SFMBT1: variants seen among roughly 807,000 people sequenced by gnomAD.
SFMBT1 encodes the protein scm-like with four MBT domains protein 1.
SFMBT1 carries 32 observed loss-of-function variants against 108.7 expected under a neutral mutation model. That is an observed-to-expected ratio of 0.29 (90% confidence interval 0.22 to 0.40). The LOEUF is 0.40. Among genes scored for constraint, SFMBT1 ranks in the 10% least tolerant of loss-of-function variants. The pLI is 1.00. For synonymous variants in SFMBT1, 348 were observed against 369.5 expected (o/e 0.94, Z 0.67); for missense variants, 816 against 1,059.6 (o/e 0.77, Z 3.19).
intron 4 of SFMBT1, among the ~76,000 whole-genome samples, chr3:52,938,534 T>C (rs918512495): frequency 6.6e-6 from 1 of 152,176 alleles, no homozygotes; most frequent in Non-Finnish European, 1.5e-5. Flanking sequence ...AATACTGAAG[T>C]TAGCTATAAG....
intron 1 of SFMBT1, among the ~76,000 whole-genome samples, chr3:53,014,941 C>A (rs1366259040): frequency 6.6e-6 from 1 of 152,014 alleles, no homozygotes; most frequent in African/African-American, 2.4e-5. Context: ...GTAATAGGAC[C>A]GGGAGCAGTG....
chr3:52,956,230 G>A (rs1447349405), intron 2 of SFMBT1, among the ~76,000 whole-genome samples: 5 of 152,316 alleles, frequency 3.3e-5, no homozygotes, highest in East Asian at 1.9e-4. Flanking sequence ...GGGAGACCGC[G>A]GCAGGCAGAT....
intron 2 of SFMBT1, among the ~76,000 whole-genome samples, chr3:52,959,251 A>C (rs1329633771): frequency 2.0e-5 from 3 of 152,216 alleles, no homozygotes. Context: ...ACAAACCTGC[A>C]CATCCTGCAC....
chr3:53,043,560 T>C (rs1310241976), intron 1 of SFMBT1, among the ~76,000 whole-genome samples: 8 of 152,218 alleles, frequency 5.3e-5, no homozygotes, highest in Non-Finnish European at 1.2e-4. Flanking sequence ...TCTAACTTGT[T>C]AGGAAAATTC....
intron 1 of SFMBT1, among the ~76,000 whole-genome samples, chr3:52,971,050 G>A (rs890007836): frequency 2.0e-5 from 3 of 151,882 alleles, no homozygotes; most frequent in Non-Finnish European, 4.4e-5. Flanking sequence ...CAGGAGAATC[G>A]CTTGAGCCCA....
chr3:52,930,192 A>G (rs938959326), intron 8 of SFMBT1, 137 bp downstream of exon 8: 1 of 628,290 alleles, frequency 1.6e-6, no homozygotes, highest in East Asian at 2.7e-5. Flanking sequence ...CAAAACGTGC[A>G]CAGAAGTAAT....
chr3:52,934,811 A>G lies in SFMBT1; in HGVS notation c.453+2T>C. 2 of 1,611,924 alleles carry G rather than the reference A, an allele frequency of 1.2e-6. No individual in the cohort carries two copies. The highest frequency in any genetic ancestry group is 1.7e-6 in the Non-Finnish European group (2 of 1,178,840). ...GCTGATGTGGCATGTAGTAATACTCACGCCCTCTAGCAGCGGAACAGGAGG... is the reference window on the plus strand; with the variant it reads ...GCTGATGTGGCATGTAGTAATACTCGCGCCCTCTAGCAGCGGAACAGGAGG... On this transcript the variant is annotated splice_donor_variant, in intron 5 of 20. Transcript: ENST00000394752. LOFTEE classifies it high-confidence loss of function.
At chr3:53,036,547 T>C (rs1699875828) in intron 1 of SFMBT1, among the ~76,000 whole-genome samples, 2 of 152,186 alleles carry the variant, frequency 1.3e-5, no homozygotes, top group Non-Finnish European at 2.9e-5. Flanking sequence ...CTGGCGTCTT[T>C]GGGGTAGAAG....
intron 3 of SFMBT1, 30 bp from the exon 4 acceptor site, chr3:52,943,623 A>G (rs757399860): frequency 1.2e-6 from 2 of 1,614,156 alleles, no homozygotes; most frequent in Non-Finnish European, 1.7e-6. Context: ...TAAGCACCAG[A>G]CAAGTATCTT....
chr3:52,965,467 T>C (rs746782672), intron 2 of SFMBT1, among the ~76,000 whole-genome samples: 4 of 150,552 alleles, frequency 2.7e-5, no homozygotes, highest in Non-Finnish European at 5.9e-5. Flanking sequence ...CAGAGAAACC[T>C]CTCTTTTAAA....
At chr3:53,013,372 C>A (rs1699018537) in intron 1 of SFMBT1, among the ~76,000 whole-genome samples, 1 of 151,566 alleles carries the variant, frequency 6.6e-6, no homozygotes, top group Non-Finnish European at 1.5e-5. Context: ...AATATTACGT[C>A]TTGAGTATAA....
intron 4 of SFMBT1, among the ~76,000 whole-genome samples, chr3:52,941,676 C>T (rs141308607): frequency 1.2e-3 from 174 of 147,290 alleles, no homozygotes; most frequent in Middle Eastern, 0.011. Context: ...AAAGGAGGAA[C>T]GCTTAAGACC....
intron 11 of SFMBT1, 55 bp from the exon 12 acceptor site, chr3:52,920,705 TTAAA>T (rs1702499353): frequency 1.5e-5 from 16 of 1,047,460 alleles, no homozygotes; most frequent in Middle Eastern, 2.1e-4. Flanking sequence ...TTTTAGACCA[TTAAA>T]TAACCTTCTT....
At chr3:52,982,436 T>C (rs1704744884) in intron 1 of SFMBT1, among the ~76,000 whole-genome samples, 2 of 152,054 alleles carry the variant, frequency 1.3e-5, no homozygotes, top group African/African-American at 4.8e-5. Context: ...AGGGTTAAGA[T>C]ATAGATCATG....
intron 13 of SFMBT1, among the ~76,000 whole-genome samples, chr3:52,917,376 T>C (rs1363421940): frequency 6.6e-6 from 1 of 151,828 alleles, no homozygotes; most frequent in Non-Finnish European, 1.5e-5. Context: ...TTGATAGCCT[T>C]ACAGGAAGAG....
At chr3:52,993,005 T>C (rs1705191233) in intron 1 of SFMBT1, among the ~76,000 whole-genome samples, 1 of 152,188 alleles carries the variant, frequency 6.6e-6, no homozygotes, top group Non-Finnish European at 1.5e-5. Flanking sequence ...CACTCATTAT[T>C]TATCATACTC....
At chr3:52,905,384 T>C in intron 20 of SFMBT1, 108 bp from the exon 21 acceptor site, 1 of 1,141,380 alleles carries the variant, frequency 8.8e-7, no homozygotes. Context: ...TCCCTATGCT[T>C]TCCTTTCCTT....
intron 10 of SFMBT1, among the ~76,000 whole-genome samples, chr3:52,923,258 T>A (rs1180067785): frequency 6.6e-6 from 1 of 152,094 alleles, no homozygotes; most frequent in African/African-American, 2.4e-5. Flanking sequence ...AGAAAAACTA[T>A]TGCATCCTTA....
At chr3:53,041,920 G>T (rs1043310088) in intron 1 of SFMBT1, among the ~76,000 whole-genome samples, 2 of 151,956 alleles carry the variant, frequency 1.3e-5, no homozygotes, top group African/African-American at 4.8e-5. Context: ...GGTAACGAAT[G>T]CTATATACTA....
Sources: allele counts gnomAD v4.1 joint callset (sites outside exome capture counted in the v4.1 genomes callset), GRCh38; gene constraint gnomAD v4.1.1; transcripts MANE v1.5; gene names NCBI Gene and HGNC (gene_info 2026-07-23, HGNC 2026-07-21).